TBC1D1: variants seen among roughly 807,000 people sequenced by gnomAD.
TBC1D1 encodes TBC1 domain family member 1.
A neutral mutation model predicts 125.6 loss-of-function variants in TBC1D1; 89 were observed. The ratio of observed to expected loss-of-function variants is 0.71; its 90% CI spans 0.60 to 0.85. TBC1D1 has a LOEUF of 0.85. TBC1D1 is among the 40% of genes least tolerant of loss of function. The pLI, the probability that TBC1D1 is intolerant of heterozygous loss-of-function variation, is 0.00. For synonymous variants in TBC1D1, 565 were observed against 564.1 expected (o/e 1.00, Z -0.02); for missense variants, 1,377 against 1,469.2 (o/e 0.94, Z 1.03).
At chr4:38,052,189 G>C in intron 11 of TBC1D1, 129 bp downstream of exon 12, 1 of 775,256 alleles carries the variant, frequency 1.3e-6, no homozygotes, top group East Asian at 2.8e-5. Context: ...GTGTGTGTGT[G>C]TGTGTGCGCG....
chr4:38,010,508 G>C (rs1741248136), intron 2 of TBC1D1, among the ~76,000 whole-genome samples: 1 of 152,190 alleles, frequency 6.6e-6, no homozygotes, highest in African/African-American at 2.4e-5. Context: ...TACCCAGCTA[G>C]ATGCCTTTAC....
chr4:38,102,834 T>G (rs191143964), intron 14 of TBC1D1, among the ~76,000 whole-genome samples, 165 bp from the exon 17 acceptor site: 1 of 152,020 alleles, frequency 6.6e-6, no homozygotes, highest in African/African-American at 2.4e-5. Context: ...TGAGATGTGA[T>G]TGTGCCTCTG....
intron 15 of TBC1D1, among the ~76,000 whole-genome samples, chr4:38,105,190 G>A (rs759495429): frequency 1.1e-4 from 16 of 152,064 alleles, no homozygotes; most frequent in Non-Finnish European, 1.6e-4. Context: ...CCCATGGTGC[G>A]TATCACATTT....
At chr4:37,994,389 A>G (rs1441578867) in intron 2 of TBC1D1, among the ~76,000 whole-genome samples, 2 of 152,154 alleles carry the variant, frequency 1.3e-5, no homozygotes, top group Non-Finnish European at 2.9e-5. Flanking sequence ...TCCCAGGCTC[A>G]AGTGATTCCC....
chr4:38,107,037 G>T (rs1018628383), intron 15 of TBC1D1, among the ~76,000 whole-genome samples: 2 of 147,600 alleles, frequency 1.4e-5, no homozygotes, highest in African/African-American at 2.5e-5. Context: ...TCCCATCCTC[G>T]CCTGGCCTCC....
intron 9 of TBC1D1, among the ~76,000 whole-genome samples, chr4:38,044,786 A>C (rs567108463): frequency 2.0e-5 from 3 of 152,228 alleles, no homozygotes; most frequent in Non-Finnish European, 4.4e-5. Context: ...GATACACTGA[A>C]GTGTGGCTTC....
At chr4:37,964,555 C>T (rs915842717) in intron 2 of TBC1D1, among the ~76,000 whole-genome samples, 2 of 152,212 alleles carry the variant, frequency 1.3e-5, no homozygotes, top group African/African-American at 4.8e-5. Context: ...ATGTGCCTGC[C>T]TTCCCGAGAT....
intron 10 of TBC1D1, among the ~76,000 whole-genome samples, chr4:38,048,459 A>G (rs1749881599): frequency 6.6e-6 from 1 of 152,168 alleles, no homozygotes; most frequent in South Asian, 2.1e-4. Context: ...AAAGTAATCA[A>G]TATTTCATAG....
chr4:38,081,570 T>G (rs139960413), intron 12 of TBC1D1, among the ~76,000 whole-genome samples: 299 of 152,356 alleles, frequency 2.0e-3, no homozygotes, highest in African/African-American at 6.7e-3. Context: ...CCCAGTCTGA[T>G]TGCGAAGAAG....
chr4:37,903,092 G>C (rs1338150073), intron 2 of TBC1D1, among the ~76,000 whole-genome samples: 1 of 152,208 alleles, frequency 6.6e-6, no homozygotes, highest in Non-Finnish European at 1.5e-5. Flanking sequence ...AAAGGTCATT[G>C]ATAAGAACGC....
At chr4:38,076,982 G>A (rs952255693) in intron 12 of TBC1D1, among the ~76,000 whole-genome samples, 1 of 152,038 alleles carries the variant, frequency 6.6e-6, no homozygotes, top group Non-Finnish European at 1.5e-5. Flanking sequence ...ATACCTTCCT[G>A]TTTCCTGGCT....
At chr4:37,985,901 A>G (rs750323288) in intron 2 of TBC1D1, among the ~76,000 whole-genome samples, 1 of 152,234 alleles carries the variant, frequency 6.6e-6, no homozygotes, top group Non-Finnish European at 1.5e-5. Flanking sequence ...GTCAAGGGTA[A>G]TTGTAGGTCA....
intron 15 of TBC1D1, among the ~76,000 whole-genome samples, chr4:38,106,152 A>G (rs1761263248): frequency 6.6e-6 from 1 of 152,130 alleles, no homozygotes; most frequent in African/African-American, 2.4e-5. Flanking sequence ...TGGCTGTGAC[A>G]CAGCAGATGC....
At chr4:38,123,437 A>G (rs1421207882) in intron 17 of TBC1D1, among the ~76,000 whole-genome samples, 1 of 152,194 alleles carries the variant, frequency 6.6e-6, no homozygotes, top group East Asian at 1.9e-4. Flanking sequence ...GTAGTGGGGA[A>G]TTATACAGGT....
chr4:38,047,761 A>G lies in TBC1D1; in HGVS notation c.1630-1857A>G, dbSNP rs1012552887. The stretch of plus-strand genomic sequence containing the variant: ...TAGGTTTGGTCAGTGGAACCAGGGA[A>G]AAGGTGAGGGGTGAGGGGGCAGTGA... On this transcript the variant is annotated intron_variant, in intron 10 of 19. Transcript: ENST00000261439. Among the ~76,000 whole-genome samples, 14 of 152,116 alleles carry G rather than the reference A, an allele frequency of 9.2e-5. No homozygotes were observed. In the East Asian group the frequency reaches 2.7e-3, roughly 29 times the overall value.
intron 11 of TBC1D1, 64 bp downstream of exon 13, chr4:38,053,289 C>T (rs951228091): frequency 6.5e-5 from 80 of 1,231,952 alleles, no homozygotes; most frequent in Admixed American, 2.8e-4. Context: ...ATTAGATATA[C>T]AAGGGTGTTT....
At chr4:38,123,087 C>A (rs1764116622) in intron 17 of TBC1D1, among the ~76,000 whole-genome samples, 1 of 152,138 alleles carries the variant, frequency 6.6e-6, no homozygotes, top group African/African-American at 2.4e-5. Context: ...ACAAAAGTTT[C>A]CCAGTAATTG....
chr4:38,095,774 G>A (rs113538834), intron 13 of TBC1D1, among the ~76,000 whole-genome samples, 155 bp from the exon 16 acceptor site: 27 of 152,170 alleles, frequency 1.8e-4, no homozygotes, highest in Admixed American at 5.9e-4. Context: ...TGAGGAAAAT[G>A]GGTAGAGGCA....
intron 2 of TBC1D1, among the ~76,000 whole-genome samples, chr4:37,971,538 C>T (rs969528997): frequency 6.6e-6 from 1 of 152,124 alleles, no homozygotes; most frequent in Admixed American, 6.5e-5. Context: ...CACTGTGTCC[C>T]TCCCACAACT....
Sources: allele counts gnomAD v4.1 joint callset (sites outside exome capture counted in the v4.1 genomes callset), GRCh38; gene constraint gnomAD v4.1.1; transcripts MANE v1.5; gene names NCBI Gene and HGNC (gene_info 2026-07-23, HGNC 2026-07-21).